The following ZFHX3 variants were observed in gnomAD, a reference collection of about 807,000 sequenced individuals.
ZFHX3 encodes the protein zinc finger homeobox protein 3.
Under a neutral mutation model 279.1 loss-of-function variants are expected in ZFHX3, and 42 were observed. That is an observed-to-expected ratio of 0.15 (90% confidence interval 0.12 to 0.19). The LOEUF is 0.19. ZFHX3 is among the 10% of genes least tolerant of loss of function. The probability of loss-of-function intolerance (pLI) is 1.00; values close to 1 mark genes in which losing one functional copy is unlikely to be tolerated. For missense variants in ZFHX3, 4,981 were observed against 4,754.0 expected (o/e 1.05, Z -1.40); for synonymous variants, 2,293 against 1,957.8 (o/e 1.17, Z -4.52).
chr16:73,749,208 T>C (rs1209792961), intron 1 of ZFHX3, among the ~76,000 whole-genome samples: 1 of 152,112 alleles, frequency 6.6e-6, no homozygotes, highest in East Asian at 1.9e-4. Context: ...TTCCCTAAAA[T>C]ACCCTTATTG....
At chr16:73,727,411 G>C (rs1388709167) in intron 1 of ZFHX3, among the ~76,000 whole-genome samples, 2 of 152,204 alleles carry the variant, frequency 1.3e-5, no homozygotes, top group African/African-American at 4.8e-5. Flanking sequence ...TTCCATGAAA[G>C]GGTGCTCAAA....
At chr16:72,811,862 A>G (rs763597325) in intron 6 of ZFHX3, 43 bp downstream of exon 6, 1 of 1,609,186 alleles carries the variant, frequency 6.2e-7, no homozygotes, top group Non-Finnish European at 8.5e-7. Flanking sequence ...CCAATGTCTA[A>G]AACACCTCAC....
intron 3 of ZFHX3, among the ~76,000 whole-genome samples, chr16:73,393,854 T>C (rs1267504961): frequency 6.7e-6 from 1 of 149,906 alleles, no homozygotes; most frequent in Non-Finnish European, 1.5e-5. Flanking sequence ...ATGCCAACAC[T>C]ACAGATATCC....
Position 73,148,369 on chromosome 16 carries a change from C to T in ZFHX3, c.-1103-4538G>A, listed in dbSNP as rs575324099. Among the ~76,000 whole-genome samples the T allele has an allele frequency of 6.4e-4, 97 of 152,296 alleles. 1 individual carries two copies. The South Asian group carries it at 0.018, about 29-fold the overall frequency. ...TATTTCCCCAGGAAGCTGAACTCTT[C>T]CTTGTTTGGCAGAAATAATCTATGG... On this transcript the variant is annotated intron_variant, in intron 5 of 17. Transcript: ENST00000641206.
At chr16:73,846,097 C>T (rs1224037559) in intron 1 of ZFHX3, among the ~76,000 whole-genome samples, 1 of 152,154 alleles carries the variant, frequency 6.6e-6, no homozygotes, top group Non-Finnish European at 1.5e-5. Context: ...TGTGCCTGGC[C>T]TGCAAAAGCT....
At chr16:73,860,022 G>A (rs1291404470) in intron 1 of ZFHX3, among the ~76,000 whole-genome samples, 1 of 152,138 alleles carries the variant, frequency 6.6e-6, no homozygotes, top group African/African-American at 2.4e-5. Flanking sequence ...GAGCCTGACA[G>A]TGAAGGTCAC....
intron 4 of ZFHX3, among the ~76,000 whole-genome samples, chr16:73,283,149 T>C (rs1449971740): frequency 2.6e-5 from 4 of 152,188 alleles, no homozygotes; most frequent in African/African-American, 7.2e-5. Flanking sequence ...CCACAGACAA[T>C]AGGTAAACTA....
intron 3 of ZFHX3, among the ~76,000 whole-genome samples, chr16:72,925,385 T>A (rs1374309922): frequency 2.6e-5 from 4 of 152,234 alleles, no homozygotes; most frequent in African/African-American, 9.6e-5. Context: ...CAAAGAACCT[T>A]GAGGTCCCTA....
At chr16:73,698,945 C>T (rs913870399) in intron 1 of ZFHX3, among the ~76,000 whole-genome samples, 3 of 152,076 alleles carry the variant, frequency 2.0e-5, no homozygotes, top group Admixed American at 1.3e-4. Flanking sequence ...AGTGCAGTGG[C>T]GTGATCTCGG....
At position 72,784,908 on chromosome 16, in the gene ZFHX3, C is replaced by T. The variant is rs945977328; in HGVS notation, c.*2256G>A. On this transcript the variant is annotated 3_prime_UTR_variant, in exon 10 of 10. Transcript: ENST00000268489. Reference sequence around the variant, plus strand: ...CAAATTCATAAAAATAAAATAGTCCCGGCTAAAAAAGAAAAAAAGAAAAAA... The same window carrying T: ...CAAATTCATAAAAATAAAATAGTCCTGGCTAAAAAAGAAAAAAAGAAAAAA... 2.6e-5 allele frequency: 4 copies of T among 152,160 alleles called. No homozygotes were observed. Among genetic ancestry groups the T allele is most frequent in the African/African-American group, 7.3e-5 (3 of 41,284 alleles). The allele number at this position is 152,160 out of a possible 1,614,324, so 9.4% of individuals were successfully genotyped here.
Position 72,784,170 on chromosome 16 carries a change from A to C in ZFHX3, c.*2994T>G. ...TATTCAACCACCTTATTGTCGCCAA[A>C]CACCCACAGCTCAAGGCATGGCATA... On this transcript the variant is annotated 3_prime_UTR_variant, in exon 10 of 10. Transcript: ENST00000268489. 6.6e-6 allele frequency: 1 copy of C among 152,574 alleles called. No individual in the cohort carries two copies. Among genetic ancestry groups the C allele is most frequent in the East Asian group, 1.9e-4 (1 of 5,188 alleles). The allele number at this position is 152,574 out of a possible 1,614,324, so 9.5% of individuals were successfully genotyped here. A position where few individuals can be genotyped will look rare whatever the true frequency, so the allele number is the denominator to read the frequency against.
At chr16:73,577,058 C>T (rs1197426911) in intron 2 of ZFHX3, among the ~76,000 whole-genome samples, 1 of 152,140 alleles carries the variant, frequency 6.6e-6, no homozygotes, top group Non-Finnish European at 1.5e-5. Context: ...GGTGTAGGAG[C>T]AGTCACAAAA....
At chr16:73,204,349 A>G (rs1317029337) in intron 5 of ZFHX3, among the ~76,000 whole-genome samples, 3 of 152,018 alleles carry the variant, frequency 2.0e-5, no homozygotes, top group Admixed American at 6.6e-5. Flanking sequence ...TGTAGGTTCA[A>G]TGGGAGCTCT....
At chr16:73,798,389 T>A (rs2142323063) in intron 1 of ZFHX3, among the ~76,000 whole-genome samples, 1 of 151,672 alleles carries the variant, frequency 6.6e-6, no homozygotes, top group Non-Finnish European at 1.5e-5. Context: ...GTAGCTAAGC[T>A]GAAATGCATT....
intron 3 of ZFHX3, among the ~76,000 whole-genome samples, chr16:73,438,993 C>T (rs1053933570): frequency 4.6e-5 from 7 of 152,114 alleles, no homozygotes; most frequent in Non-Finnish European, 7.4e-5. Flanking sequence ...GATAGAATGC[C>T]AAAAAGGAAA....
intron 1 of ZFHX3, among the ~76,000 whole-genome samples, chr16:73,829,544 T>C (rs1416068480): frequency 1.7e-5 from 1 of 59,462 alleles, no homozygotes; most frequent in Non-Finnish European, 2.9e-5. Flanking sequence ...TTTTATCTAC[T>C]TTTGGTCTTT....
At chr16:73,662,894 G>A (rs1223517589) in intron 2 of ZFHX3, among the ~76,000 whole-genome samples, 2 of 152,130 alleles carry the variant, frequency 1.3e-5, no homozygotes, top group Non-Finnish European at 2.9e-5. Flanking sequence ...GGCCAACCGT[G>A]AGGGGCTTTT....
chr16:73,207,678 A>G (rs991860018), intron 5 of ZFHX3, among the ~76,000 whole-genome samples: 3 of 152,220 alleles, frequency 2.0e-5, no homozygotes, highest in African/African-American at 7.2e-5. Flanking sequence ...GACATCAGTA[A>G]AAATCAGAAT....
chr16:73,454,108 A>T (rs558098622), intron 3 of ZFHX3, among the ~76,000 whole-genome samples: 23 of 152,302 alleles, frequency 1.5e-4, no homozygotes, highest in African/African-American at 5.5e-4. Flanking sequence ...CATCCTACCC[A>T]AATTCTTGAT....
Sources: allele counts gnomAD v4.1 joint callset (sites outside exome capture counted in the v4.1 genomes callset), GRCh38; gene constraint gnomAD v4.1.1; transcripts MANE v1.5; gene names NCBI Gene and HGNC (gene_info 2026-07-23, HGNC 2026-07-21).